EIF3H: variants seen among roughly 807,000 people sequenced by gnomAD.
EIF3H encodes eIF-3-gamma.
EIF3H carries 26 observed loss-of-function variants against 44.2 expected under a neutral mutation model. The ratio of observed to expected loss-of-function variants is 0.59; its 90% confidence interval spans 0.43 to 0.82. The LOEUF (loss-of-function observed/expected upper bound fraction) is 0.82. Ranked by LOEUF, EIF3H falls within the 40% of genes least tolerant of loss-of-function variation. The probability of loss-of-function intolerance (pLI) is 0.00; values close to 1 mark genes in which losing one functional copy is unlikely to be tolerated. For missense variants in EIF3H, 359 were observed against 432.8 expected (o/e 0.83, Z 1.51); for synonymous variants, 166 against 151.9 (o/e 1.09, Z -0.68).
intron 2 of EIF3H, among the ~76,000 whole-genome samples, chr8:116,663,930 C>CAAAAAAAA (rs779193805): frequency 3.9e-5 from 3 of 76,214 alleles, no homozygotes; most frequent in Non-Finnish European, 5.4e-5. Context: ...GACTCAGTCT[C>CAAAAAAAA]AAAAAAAAAA....
At chr8:116,691,360 G>C (rs201944229) in intron 2 of EIF3H, among the ~76,000 whole-genome samples, 8 of 152,058 alleles carry the variant, frequency 5.3e-5, no homozygotes, top group Non-Finnish European at 1.0e-4. Context: ...GAAGAGGAGT[G>C]GGGGGAGGTG....
At chr8:116,698,427 C>A (rs1400086650) in intron 2 of EIF3H, among the ~76,000 whole-genome samples, 2 of 152,174 alleles carry the variant, frequency 1.3e-5, no homozygotes, top group Non-Finnish European at 2.9e-5. Flanking sequence ...CATCTTCATT[C>A]CCGCCACCAC....
chr8:116,755,108 A>G (rs1382414889), intron 1 of EIF3H, among the ~76,000 whole-genome samples: 1 of 152,124 alleles, frequency 6.6e-6, no homozygotes, highest in Non-Finnish European at 1.5e-5. Flanking sequence ...CTTAACTACT[A>G]AATACATTTA....
Position 116,658,907 on chromosome 8 carries a change from C to T in EIF3H, c.363G>A (p.Gln121=). 1 of 1,613,836 alleles carries T rather than the reference C, an allele frequency of 6.2e-7. No homozygotes were observed. The highest frequency in any genetic ancestry group is 8.5e-7 in the Non-Finnish European group (1 of 1,179,836). ...NIDHLHVGWY[Q]STYYGSFVTR... ...TAACGAATGAGCCATAGTATGTGGACTGATACCAGCCCACGTGAAGATGAT... is the reference window on the plus strand; with the variant it reads ...TAACGAATGAGCCATAGTATGTGGATTGATACCAGCCCACGTGAAGATGAT... The change falls in exon 3 of 8, where the codon CAG becomes CAA. Residue 121 remains glutamine, a synonymous_variant. Coordinates refer to ENST00000521861, the MANE Select transcript of EIF3H (RefSeq NM_003756.3).
intron 2 of EIF3H, among the ~76,000 whole-genome samples, chr8:116,675,987 A>C (rs999355688): frequency 3.3e-5 from 5 of 152,226 alleles, no homozygotes; most frequent in East Asian, 1.9e-4. Flanking sequence ...AAATATGAGG[A>C]TCTTTTAGAA....
intron 5 of EIF3H, among the ~76,000 whole-genome samples, chr8:116,649,333 T>C (rs1001748195): frequency 6.6e-6 from 1 of 152,238 alleles, no homozygotes; most frequent in Non-Finnish European, 1.5e-5. Flanking sequence ...ACCACACAGA[T>C]TATGACATCT....
At chr8:116,763,992 A>G (rs1815543591) in intron 1 of EIF3H, among the ~76,000 whole-genome samples, 1 of 152,214 alleles carries the variant, frequency 6.6e-6, no homozygotes, top group Non-Finnish European at 1.5e-5. Flanking sequence ...GCTTCATCAA[A>G]ATTTCATGAA....
At position 116,743,794 on chromosome 8, in the gene EIF3H, ATATAAACACACAC is replaced by A. The variant is rs1563659891; in HGVS notation, c.132+11859_132+11871del. The stretch of plus-strand genomic sequence containing the variant: ...CATATATATATATATATATATATAT[ATATAAACACACAC>A]ACACACACACACACACACACACACA... On this transcript the variant is annotated intron_variant, in intron 1 of 7. Transcript: ENST00000521861. 8.0e-3 allele frequency among the ~76,000 whole-genome samples: 737 copies of A among 91,696 alleles called. 6 individuals are homozygous for A. The highest frequency in any genetic ancestry group is 0.035 in the African/African-American group (640 of 18,188). 60.2% of individuals were successfully genotyped at this position (91,696 alleles called of 152,430 possible). A position where few individuals can be genotyped will look rare whatever the true frequency, so the allele number is the denominator to read the frequency against.
At chr8:116,679,117 A>AG (rs1300117247) in intron 2 of EIF3H, among the ~76,000 whole-genome samples, 1 of 11,378 alleles carries the variant, frequency 8.8e-5, no homozygotes. Context: ...GGGAGGGGGG[A>AG]GGGGGGGTCA....
Position 116,754,407 on chromosome 8 carries a change from G to A in EIF3H, c.132+1259C>T, listed in dbSNP as rs554113368. ...ATTACAGCCGTGAGCCACCACGCCC[G>A]GCCTGCATTTTCAAAGTATTACACA... On this transcript the variant is annotated intron_variant, in intron 1 of 7. Transcript: ENST00000521861. Among the ~76,000 whole-genome samples the A allele has an allele frequency of 3.8e-4, 58 of 152,222 alleles. 1 individual carries two copies. The South Asian group carries it at 0.012, about 32-fold the overall frequency.
At chr8:116,676,764 C>T (rs1431186728) in intron 2 of EIF3H, among the ~76,000 whole-genome samples, 1 of 152,182 alleles carries the variant, frequency 6.6e-6, no homozygotes, top group African/African-American at 2.4e-5. Context: ...TAGAAACGTA[C>T]TTAGTTCCCC....
At chr8:116,759,308 G>A (rs987289053), upstream of EIF3H, among the ~76,000 whole-genome samples, 2 of 152,190 alleles carry the variant, frequency 1.3e-5, no homozygotes, top group Admixed American at 6.5e-5. Context: ...AGCTGTGGGC[G>A]CTGCCCATGT....
chr8:116,735,229 C>A, intron 1 of EIF3H, among the ~76,000 whole-genome samples: 1 of 152,204 alleles, frequency 6.6e-6, no homozygotes, highest in East Asian at 1.9e-4. Context: ...AAGTAATAAT[C>A]CAATCTCTGT....
chr8:116,728,064 G>A (rs1211777349), intron 1 of EIF3H, among the ~76,000 whole-genome samples: 1 of 152,136 alleles, frequency 6.6e-6, no homozygotes, highest in Non-Finnish European at 1.5e-5. Context: ...TGGCTTTTTA[G>A]ATTTTCAGTA....
chr8:116,646,692 C>T, intron 6 of EIF3H, 89 bp from the exon 7 acceptor site: 1 of 1,512,652 alleles, frequency 6.6e-7, no homozygotes, highest in African/African-American at 1.4e-5. Context: ...CAGCAGAACC[C>T]CACTGCTCTG....
At position 116,671,748 on chromosome 8, in the gene EIF3H, T is replaced by C. The variant is rs576527281; in HGVS notation, c.290-12768A>G. ...CTTAACGTTTGTTCCCTAAAGAAAA[T>C]ATCTGGGTAATCCCACAGAGTTCTC... On this transcript the variant is annotated intron_variant, in intron 2 of 7. Coordinates refer to ENST00000521861, the MANE Select transcript of EIF3H (RefSeq NM_003756.3). Among the ~76,000 whole-genome samples the C allele has an allele frequency of 4.6e-5, 7 of 152,202 alleles. No individual in the cohort carries two copies. The South Asian group carries it at 1.5e-3, about 32-fold the overall frequency.
chr8:116,648,087 T>A (rs1463954639), intron 6 of EIF3H, among the ~76,000 whole-genome samples: 2 of 152,236 alleles, frequency 1.3e-5, no homozygotes, highest in East Asian at 3.8e-4. Context: ...GAATTCTATA[T>A]TTAACAAAGC....
chr8:116,664,680 AAGAT>A (rs1486237444), intron 2 of EIF3H, among the ~76,000 whole-genome samples: 2 of 152,228 alleles, frequency 1.3e-5, no homozygotes, highest in African/African-American at 4.8e-5. Context: ...TCGAAAACTC[AAGAT>A]ATGTTCAGTA....
chr8:116,697,302 G>C, intron 2 of EIF3H: 2 of 412,404 alleles, frequency 4.8e-6, no homozygotes, highest in Non-Finnish European at 9.6e-6. Context: ...AGTGTAAAAA[G>C]AAAAAAATTG....
Sources: gnomAD v4.1 joint callset for allele counts (sites outside exome capture counted in the v4.1 genomes callset) on GRCh38, gnomAD v4.1.1 for gene constraint, MANE v1.5 for transcripts, NCBI Gene and HGNC (gene_info 2026-07-23, HGNC 2026-07-21) for gene names.